DNAH11: variants seen among roughly 807,000 people sequenced by gnomAD.
DNAH11 encodes dynein axonemal heavy chain 11.
Under a neutral mutation model 526.0 loss-of-function variants are expected in DNAH11, and 442 were observed. That is an observed-to-expected ratio of 0.84 (90% confidence interval 0.78 to 0.91). The LOEUF (loss-of-function observed/expected upper bound fraction) is 0.91, where lower values mean the gene tolerates loss of function less well. Among genes scored for constraint, DNAH11 ranks in the 40% least tolerant of loss-of-function variants. DNAH11 has a pLI of 0.00. For synonymous variants in DNAH11, 2,461 were observed against 1,935.9 expected, an observed-to-expected ratio of 1.27 and a Z score of -7.12; for missense variants, 6,989 against 5,448.7, an observed-to-expected ratio of 1.28 and a Z score of -8.90.
rs114825069 is a variant in DNAH11, at chr7:21,611,965, T to C, written c.3853-3149T>C. Among the ~76,000 whole-genome samples, 780 of 152,232 alleles carry C rather than the reference T, an allele frequency of 5.1e-3. 3 individuals are homozygous for C. Among genetic ancestry groups the C allele is most frequent in the African/African-American group, 0.018 (740 of 41,552 alleles). ...GCCAAATTTGCTTCTTAGAAAAGAC[T>C]AACTCTATGGACAAACCTCTGGTGA... On this transcript the variant is annotated intron_variant, in intron 20 of 81. Coordinates refer to ENST00000409508, the MANE Select transcript of DNAH11 (RefSeq NM_001277115.2).
chr7:21,689,690 T>G (rs987277043), intron 34 of DNAH11, among the ~76,000 whole-genome samples: 2 of 152,122 alleles, frequency 1.3e-5, no homozygotes, highest in African/African-American at 4.8e-5. Context: ...TTATCTTGAC[T>G]ATACAAAATC....
Position 21,600,895 on chromosome 7 carries a change from G to A in DNAH11, c.3220G>A (p.Glu1074Lys), listed in dbSNP as rs765778415. 69 of 1,613,728 alleles carry A rather than the reference G, an allele frequency of 4.3e-5. 1 individual carries two copies. The highest frequency in any genetic ancestry group is 1.0e-4 in the Admixed American group (6 of 59,970). The stretch of plus-strand genomic sequence containing the variant: ...TGCTCATGCAAATGAAGAAATTCCC[G>A]AACAACCACCAACTCTTGAGCAATT... ...MDAHANEEIP[E>K]QPPTLEQFKE... Residue 1074 changes from glutamate (E) to lysine (K), a missense_variant, in exon 16 of 82, where the codon GAA (glutamate) becomes AAA (lysine). By Grantham distance (56) the Glu-to-Lys change is moderately conservative (BLOSUM62 1). Transcript: ENST00000409508.
At chr7:21,865,064 C>T (rs867681514) in intron 70 of DNAH11, among the ~76,000 whole-genome samples, 2 of 152,246 alleles carry the variant, frequency 1.3e-5, no homozygotes, top group South Asian at 2.1e-4. Flanking sequence ...ACAGTGGAGT[C>T]GTTTATTCTC....
intron 55 of DNAH11, among the ~76,000 whole-genome samples, chr7:21,766,673 A>G (rs983635335): frequency 6.6e-6 from 1 of 151,782 alleles, no homozygotes; most frequent in African/African-American, 2.4e-5. Flanking sequence ...GTATGCAGCT[A>G]GCTTTATTGT....
intron 2 of DNAH11, among the ~76,000 whole-genome samples, chr7:21,553,074 T>C (rs1469823856): frequency 8.4e-6 from 1 of 119,330 alleles, no homozygotes; most frequent in African/African-American, 3.5e-5. Context: ...AATGGGATTT[T>C]TTTTTTTTTT....
intron 54 of DNAH11, among the ~76,000 whole-genome samples, chr7:21,750,601 T>C (rs902875267): frequency 1.3e-5 from 2 of 152,180 alleles, no homozygotes; most frequent in African/African-American, 4.8e-5. Flanking sequence ...ATGTGGTCTG[T>C]GCCATTGAGG....
chr7:21,868,719 A>G (rs1479377168), intron 72 of DNAH11, 145 bp from the exon 73 acceptor site: 1 of 1,050,528 alleles, frequency 9.5e-7, no homozygotes, highest in East Asian at 2.4e-5. Context: ...TTGTGGATAC[A>G]ACAGAAGTTT....
intron 23 of DNAH11, 32 bp from the exon 24 acceptor site, chr7:21,619,068 A>G: frequency 8.1e-6 from 13 of 1,612,392 alleles, no homozygotes; most frequent in African/African-American, 1.3e-5. Flanking sequence ...TATATGTGGA[A>G]TATAAAGTCT....
At chr7:21,721,477 T>A (rs1196316534) in intron 44 of DNAH11, among the ~76,000 whole-genome samples, 1 of 152,162 alleles carries the variant, frequency 6.6e-6, no homozygotes, top group Non-Finnish European at 1.5e-5. Context: ...ACTTAAGCAA[T>A]AGAAATTTAT....
chr7:21,589,275 C>A lies in DNAH11; in HGVS notation c.2041C>A (p.Gln681Lys). The A allele has an allele frequency of 1.2e-6, 2 of 1,609,414 alleles. No homozygotes were observed. The highest frequency in any genetic ancestry group is 2.2e-5 in the South Asian group (2 of 89,840). ...KYVEMTTLLD[Q>K]FESRIYNEWK... The stretch of plus-strand genomic sequence containing the variant: ...TGTTGAAATGACCACTTTGCTTGAT[C>A]AATTTGAAAGTCGTATCTATAATGA... Residue 681 changes from glutamine to lysine, a missense_variant, in exon 12 of 82, where the codon CAA (glutamine) becomes AAA (lysine). Transcript: ENST00000409508.
chr7:21,783,432 C>G (rs1486933454), intron 57 of DNAH11, among the ~76,000 whole-genome samples: 1 of 152,150 alleles, frequency 6.6e-6, no homozygotes, highest in African/African-American at 2.4e-5. Flanking sequence ...TAAACCTGTT[C>G]ATTTCAAATA....
chr7:21,574,959 C>G (rs1784030704), intron 8 of DNAH11, among the ~76,000 whole-genome samples: 1 of 140,332 alleles, frequency 7.1e-6, no homozygotes, highest in Non-Finnish European at 1.5e-5. Context: ...ACTGCAACCT[C>G]TGCCTCCCAG....
chr7:21,704,771 G>T, intron 38 of DNAH11, 143 bp downstream of exon 38: 1 of 895,340 alleles, frequency 1.1e-6, no homozygotes, highest in East Asian at 3.0e-5. Context: ...TTTTCATATG[G>T]CAGGATTAAG....
chr7:21,562,125 T>A (rs977396501), intron 5 of DNAH11, among the ~76,000 whole-genome samples: 2 of 152,242 alleles, frequency 1.3e-5, no homozygotes, highest in Non-Finnish European at 2.9e-5. Flanking sequence ...ATTGGCCAAA[T>A]TGGCCTATTA....
intron 42 of DNAH11, among the ~76,000 whole-genome samples, chr7:21,717,321 C>T (rs1053524002): frequency 2.6e-5 from 4 of 152,078 alleles, no homozygotes; most frequent in Non-Finnish European, 5.9e-5. Flanking sequence ...AAAAAGGAGA[C>T]ACTTTGAAAT....
In DNAH11 at chr7:21,801,239, A is replaced by G. The variant is rs765363031; in HGVS notation, c.10129A>G (p.Lys3377Glu). The G allele has an allele frequency of 1.2e-6, 2 of 1,613,942 alleles. No homozygotes were observed. The highest frequency in any genetic ancestry group is 1.3e-5 in the African/African-American group (1 of 75,072). The stretch of plus-strand genomic sequence containing the variant: ...GGTGAACCAAACCAACAAAACCATC[A>G]AATTAGCTAACAGACTTGTCAAGGA... Reference protein sequence around the residue: ...EEVNQTNKTIKLANRLVKELE... With the variant: ...EEVNQTNKTIELANRLVKELE... The change falls in exon 62 of 82, where the codon AAA (lysine) becomes GAA (glutamate). Residue 3377 changes from lysine (K) to glutamate (E), a missense_variant. By Grantham distance (56) the Lys-to-Glu change is moderately conservative (BLOSUM62 1). Coordinates refer to ENST00000409508, the MANE Select transcript of DNAH11 (RefSeq NM_001277115.2).
intron 77 of DNAH11, 87 bp from the exon 78 acceptor site, chr7:21,894,536 G>A: frequency 7.3e-7 from 1 of 1,373,850 alleles, no homozygotes; most frequent in Non-Finnish European, 1.0e-6. Flanking sequence ...GATATATTCT[G>A]TAACTTCAAA....
chr7:21,674,953 A>G (rs1317311511), intron 30 of DNAH11, among the ~76,000 whole-genome samples: 1 of 152,044 alleles, frequency 6.6e-6, no homozygotes, highest in Non-Finnish European at 1.5e-5. Flanking sequence ...TCAACCACCA[A>G]TTCTGTCACT....
At chr7:21,706,703 C>G (rs1390728377) in intron 39 of DNAH11, among the ~76,000 whole-genome samples, 1 of 152,150 alleles carries the variant, frequency 6.6e-6, no homozygotes, top group Non-Finnish European at 1.5e-5. Context: ...TCAACAGGTA[C>G]GTAACCCGAG....
Sources: gnomAD v4.1 joint callset for allele counts (sites outside exome capture counted in the v4.1 genomes callset) on GRCh38, gnomAD v4.1.1 for gene constraint, MANE v1.5 for transcripts, NCBI Gene and HGNC (gene_info 2026-07-23, HGNC 2026-07-21) for gene names.